Variants in TAF1 observed in about 807,000 individuals in gnomAD.
The protein encoded by TAF1 is TATA-box binding protein associated factor 1, also known as transcription initiation factor TFIID subunit 1.
TAF1 carries 2 observed loss-of-function variants against 138.5 expected under a neutral mutation model. That is an observed-to-expected ratio of 0.01 (90% CI 0.01 to 0.05). The LOEUF is 0.05. TAF1 is among the 10% of genes least tolerant of loss of function. TAF1 has a pLI of 1.00. For missense variants in TAF1, 709 were observed against 1,478.0 expected (o/e 0.48, Z 8.53); for synonymous variants, 437 against 503.2 (o/e 0.87, Z 1.76).
At position 71,386,001 on chromosome X, in the gene TAF1, A is replaced by G. The variant is rs187123331; in HGVS notation, c.2226+952A>G. Among the ~76,000 whole-genome samples the G allele has an allele frequency of 2.8e-3, 310 of 110,619 alleles. 1 individual carries two copies. Among genetic ancestry groups the G allele is most frequent in the South Asian group, 0.016 (41 of 2,581 alleles). ...ACATGGAGAAACTCTGCCTCTACTC[A>G]AAATACAAAATTAGCCGGGCATGGT... On this transcript the variant is annotated intron_variant, in intron 14 of 37. Transcript: ENST00000423759.
At chrX:71,475,667 T>G (rs1034686690) in intron 13 of TAF1, among the ~76,000 whole-genome samples, 21 of 111,107 alleles carry the variant, frequency 1.9e-4, no homozygotes, top group African/African-American at 5.2e-4. Flanking sequence ...TAATGAAATT[T>G]TACTGAAAGA....
At chrX:71,434,120 A>G (rs1050479225) in intron 32 of TAF1, among the ~76,000 whole-genome samples, 1 of 112,001 alleles carries the variant, frequency 8.9e-6, no homozygotes, top group African/African-American at 3.2e-5. Flanking sequence ...TGTAATCCTA[A>G]TGCTTTGGGA....
chrX:71,377,751 G>A lies in TAF1; in HGVS notation c.863G>A (p.Ser288Asn). The A allele has an allele frequency of 1.7e-6, 2 of 1,209,745 alleles. No homozygotes were observed. Among genetic ancestry groups the A allele is most frequent in the Non-Finnish European group, 1.1e-6 (1 of 895,321 alleles). ...GAGTGCTCAGTAGAATCAGAAGTCA[G>A]CCAGAAGTCTTTGTGGAACTACGAC... The part of the protein sequence containing the change: ...EVECSVESEV[S>N]QKSLWNYDYA... The change falls in exon 6 of 38, where the codon AGC becomes AAC. Residue 288 changes from serine (S) to asparagine (N), a missense_variant. Physicochemically the swap from Ser to Asn is conservative, Grantham distance 46. Coordinates refer to ENST00000423759, the MANE Select transcript of TAF1 (RefSeq NM_004606.5).
intron 30 of TAF1, 149 bp from the exon 31 acceptor site, chrX:71,423,825 A>G (rs1273655823): frequency 1.1e-5 from 5 of 469,109 alleles, no homozygotes; most frequent in African/African-American, 2.4e-5. Context: ...AACCCCTTAC[A>G]TTATAAACAG....
At chrX:71,469,952 T>A (rs899966508), downstream of TAF1, among the ~76,000 whole-genome samples, 29 of 111,935 alleles carry the variant, frequency 2.6e-4, no homozygotes, top group Non-Finnish European at 5.1e-4. Flanking sequence ...CCGCCCTCCT[T>A]GGCCTCCCAA....
chrX:71,510,080 T>G (rs959629747), intron 13 of TAF1, among the ~76,000 whole-genome samples: 1 of 111,209 alleles, frequency 9.0e-6, no homozygotes, highest in African/African-American at 3.3e-5. Flanking sequence ...GAGGATCACT[T>G]CAGCCCAGAA....
chrX:71,381,635 T>C (rs989891514), intron 8 of TAF1, 108 bp from the exon 9 acceptor site: 1 of 862,678 alleles, frequency 1.2e-6, no homozygotes, highest in African/African-American at 2.0e-5. Flanking sequence ...ATAACTCCAC[T>C]AACTCGCTCT....
At chrX:71,470,669 G>T (rs982495113), downstream of TAF1, among the ~76,000 whole-genome samples, 1 of 106,399 alleles carries the variant, frequency 9.4e-6, no homozygotes, top group Admixed American at 1.0e-4. Flanking sequence ...GAGCCACTGT[G>T]CCCAAGCCCT....
At chrX:71,477,930 G>A (rs1221456270) in intron 13 of TAF1, among the ~76,000 whole-genome samples, 1 of 110,247 alleles carries the variant, frequency 9.1e-6, no homozygotes, top group Non-Finnish European at 1.9e-5. Flanking sequence ...GGAGGCAAAG[G>A]CTGCAGTGAG....
In TAF1 at chrX:71,367,463, A is replaced by C. The variant is rs770158518; in HGVS notation, c.121-36A>C. Reference sequence around the variant, plus strand: ...CCTGTGGTGTGGGAGTCGTAGGTTTAGTTGTTATCTTCGACTCGTGCTGTC... The same window carrying C: ...CCTGTGGTGTGGGAGTCGTAGGTTTCGTTGTTATCTTCGACTCGTGCTGTC... On this transcript the variant is annotated intron_variant, in intron 1 of 37. Coordinates refer to ENST00000423759, the MANE Select transcript of TAF1 (RefSeq NM_004606.5). 7 of 1,193,750 alleles carry C rather than the reference A, an allele frequency of 5.9e-6. No individual in the cohort carries two copies. The South Asian group carries it at 1.1e-4, about 18-fold the overall frequency.
At chrX:71,467,711 T>C (rs1366657134), downstream of TAF1, among the ~76,000 whole-genome samples, 1 of 111,791 alleles carries the variant, frequency 8.9e-6, no homozygotes, top group Non-Finnish European at 1.9e-5. Flanking sequence ...GGGTAGGTGG[T>C]AGTATGCCTA....
chrX:71,368,935 C>G (rs1482272464), intron 3 of TAF1: 1 of 100,543 alleles, frequency 9.9e-6, no homozygotes, highest in Non-Finnish European at 2.0e-5. Flanking sequence ...ACTGCAATCT[C>G]CACCTCCCGG....
At chrX:71,452,868 G>A (rs973987246) in intron 32 of TAF1, among the ~76,000 whole-genome samples, 6 of 112,340 alleles carry the variant, frequency 5.3e-5, no homozygotes, top group Non-Finnish European at 1.1e-4. Flanking sequence ...AGACCAGCCC[G>A]GCCAACACAG....
chrX:71,366,592 A>G (rs1449785980), intron 1 of TAF1, 98 bp downstream of exon 1: 23 of 884,686 alleles, frequency 2.6e-5, no homozygotes, highest in Non-Finnish European at 3.1e-5. Context: ...CAGCGAGAAC[A>G]GGGCGCAGCT....
chrX:71,379,596 CTTT>C (rs10714417), intron 8 of TAF1, among the ~76,000 whole-genome samples: 22 of 57,574 alleles, frequency 3.8e-4, no homozygotes, highest in African/African-American at 1.0e-3. Context: ...TGATAAAGAT[CTTT>C]TTTTTTTTTT....
intron 1 of TAF1, 138 bp downstream of exon 1, chrX:71,366,632 G>T (rs886612191): frequency 6.2e-6 from 4 of 646,240 alleles, no homozygotes; most frequent in Non-Finnish European, 9.2e-6. Context: ...CCGTCCTCAT[G>T]GGTGCGGGAG....
chrX:71,447,277 ATTTTTAG>A (rs906915855), intron 32 of TAF1, among the ~76,000 whole-genome samples: 27 of 111,448 alleles, frequency 2.4e-4, no homozygotes, highest in African/African-American at 8.5e-4. Flanking sequence ...GGGAGGAATT[ATTTTTAG>A]TATTTGTGGA....
At chrX:71,492,487 CT>C (rs1295981596) in intron 13 of TAF1, 1 of 125,305 alleles carries the variant, frequency 8.0e-6, no homozygotes, top group African/African-American at 3.2e-5. Context: ...CGCCTCGCCC[CT>C]GGGCCTGTCC....
intron 32 of TAF1, among the ~76,000 whole-genome samples, chrX:71,441,299 CAT>C (rs2148715187): frequency 9.1e-6 from 1 of 109,708 alleles, no homozygotes; most frequent in East Asian, 2.8e-4. Context: ...AAAAACATAT[CAT>C]AGTTATTTTA....
Sources: gnomAD v4.1 joint callset for allele counts (sites outside exome capture counted in the v4.1 genomes callset) on GRCh38, gnomAD v4.1.1 for gene constraint, MANE v1.5 for transcripts, NCBI Gene and HGNC (gene_info 2026-07-23, HGNC 2026-07-21) for gene names.